Variants in GRM8 observed in about 807,000 individuals in gnomAD.
GRM8 encodes glutamate metabotropic receptor 8, also known as metabotropic glutamate receptor 8.
Under a neutral mutation model 87.2 loss-of-function variants are expected in GRM8, and 47 were observed. The observed-to-expected ratio is 0.54, with a 90% CI of 0.43 to 0.69. The LOEUF is 0.69. Ranked by LOEUF, GRM8 falls within the 30% of genes least tolerant of loss-of-function variation. The pLI is 0.00. For synonymous variants in GRM8, 396 were observed against 404.5 expected, an observed-to-expected ratio of 0.98 and a Z score of 0.25; for missense variants, 1,019 against 1,139.2, an observed-to-expected ratio of 0.89 and a Z score of 1.52.
At chr7:126,638,085 C>G (rs751457074) in intron 7 of GRM8, among the ~76,000 whole-genome samples, 3 of 152,038 alleles carry the variant, frequency 2.0e-5, no homozygotes, top group Non-Finnish European at 2.9e-5. Flanking sequence ...ATATACCACA[C>G]TTTTCTGTAA....
intron 6 of GRM8, among the ~76,000 whole-genome samples, chr7:126,798,387 A>G (rs1822228178): frequency 6.6e-6 from 1 of 152,166 alleles, no homozygotes; most frequent in African/African-American, 2.4e-5. Flanking sequence ...AGGTAAAAAT[A>G]CAAATATTTT....
intron 7 of GRM8, among the ~76,000 whole-genome samples, chr7:126,723,566 A>T (rs1043968955): frequency 6.6e-6 from 1 of 152,184 alleles, no homozygotes; most frequent in African/African-American, 2.4e-5. Flanking sequence ...AAAAAAAAAA[A>T]AAGTTTCACT....
intron 3 of GRM8, among the ~76,000 whole-genome samples, chr7:127,100,578 TG>T (rs1330302945): frequency 5.3e-5 from 8 of 152,234 alleles, no homozygotes; most frequent in African/African-American, 1.7e-4. Flanking sequence ...TCCACATGGC[TG>T]GGGGTGGCCT....
rs1031841279 is a variant in GRM8 at position 126,609,309 on chromosome 7, G to C, written c.1494+53C>G. Reference sequence around the variant, plus strand: ...CAAAAGTTATACACTTAAAAATAAAGCATCCCTCCTGGAGAGCTATATACA... The same window carrying C: ...CAAAAGTTATACACTTAAAAATAAACCATCCCTCCTGGAGAGCTATATACA... On this transcript the variant is annotated intron_variant, in intron 8 of 10. Transcript: ENST00000339582. 12 of 1,375,878 alleles carry C rather than the reference G, an allele frequency of 8.7e-6. No individual in the cohort carries two copies. The African/African-American group carries it at 1.6e-4, about 18-fold the overall frequency. 85.2% of individuals were successfully genotyped at this position (1,375,878 alleles called of 1,614,324 possible).
chr7:127,000,858 AT>A (rs966501550), intron 3 of GRM8, among the ~76,000 whole-genome samples: 8 of 151,500 alleles, frequency 5.3e-5, no homozygotes, highest in South Asian at 2.1e-4. Flanking sequence ...CAAATTTTAT[AT>A]TTTTTTTACT....
intron 2 of GRM8, among the ~76,000 whole-genome samples, chr7:127,164,012 C>T (rs572279479): frequency 1.3e-5 from 2 of 152,202 alleles, no homozygotes; most frequent in Admixed American, 1.3e-4. Flanking sequence ...GAAGTGAGGC[C>T]TGGCAGGAGG....
intron 3 of GRM8, among the ~76,000 whole-genome samples, chr7:127,019,577 AC>A (rs1416393856): frequency 3.3e-5 from 5 of 152,090 alleles, no homozygotes; most frequent in African/African-American, 1.2e-4. Context: ...TTGTCATGAC[AC>A]TGCCATTTTG....
chr7:126,488,716 T>A (rs1001877661), intron 9 of GRM8, among the ~76,000 whole-genome samples: 1 of 152,056 alleles, frequency 6.6e-6, no homozygotes, highest in African/African-American at 2.4e-5. Context: ...GATTTTTCTT[T>A]GGGAATTAGA....
chr7:126,918,477 G>T (rs1014445235), intron 3 of GRM8, among the ~76,000 whole-genome samples: 1 of 151,774 alleles, frequency 6.6e-6, no homozygotes, highest in African/African-American at 2.4e-5. Flanking sequence ...AAGGAATACA[G>T]AAAAAAAATT....
chr7:126,688,109 C>A (rs1476060631), intron 7 of GRM8, among the ~76,000 whole-genome samples: 1 of 151,996 alleles, frequency 6.6e-6, no homozygotes, highest in Non-Finnish European at 1.5e-5. Context: ...GTCTGAATGC[C>A]CATAAAATTC....
At chr7:126,949,938 G>T (rs376188956) in intron 3 of GRM8, among the ~76,000 whole-genome samples, 1 of 152,162 alleles carries the variant, frequency 6.6e-6, no homozygotes, top group Non-Finnish European at 1.5e-5. Context: ...GAGGAAGCCT[G>T]TAGGCTTCTG....
chr7:126,742,852 C>G (rs1407107060), intron 7 of GRM8, among the ~76,000 whole-genome samples: 1 of 152,018 alleles, frequency 6.6e-6, no homozygotes, highest in Non-Finnish European at 1.5e-5. Flanking sequence ...CTAGTTAATT[C>G]TGATGTATTT....
At chr7:126,830,983 G>C (rs1032934361) in intron 6 of GRM8, among the ~76,000 whole-genome samples, 4 of 152,204 alleles carry the variant, frequency 2.6e-5, no homozygotes, top group South Asian at 2.1e-4. Flanking sequence ...GACCCTGTTT[G>C]CCTGGGTATC....
intron 7 of GRM8, among the ~76,000 whole-genome samples, chr7:126,730,674 G>A (rs990299142): frequency 2.0e-5 from 3 of 152,070 alleles, no homozygotes; most frequent in African/African-American, 7.2e-5. Context: ...AGAAGGGAAC[G>A]TGAAAGATAT....
chr7:126,932,158 G>A (rs2131450711), intron 3 of GRM8, among the ~76,000 whole-genome samples: 1 of 152,172 alleles, frequency 6.6e-6, no homozygotes, highest in East Asian at 1.9e-4. Flanking sequence ...GTTTTATGTT[G>A]GTTGGTAGGT....
chr7:127,230,527 G>C lies in GRM8; in HGVS notation c.510+12168C>G, dbSNP rs78700813. Among the ~76,000 whole-genome samples, 1,467 of 152,170 alleles carry C rather than the reference G, an allele frequency of 9.6e-3. 20 individuals carry two copies. The highest frequency in any genetic ancestry group is 0.034 in the African/African-American group (1,412 of 41,492). On this transcript the variant is annotated intron_variant, in intron 2 of 10. Coordinates refer to ENST00000339582, the MANE Select transcript of GRM8 (RefSeq NM_000845.3). ...GCCCAATCCCATATTACTGCATGAA[G>C]CCTTGTGCTATAGAATGAATGTGTA...
chr7:126,593,475 G>A (rs1796881975), intron 8 of GRM8, among the ~76,000 whole-genome samples: 1 of 151,864 alleles, frequency 6.6e-6, no homozygotes, highest in Non-Finnish European at 1.5e-5. Context: ...ATTCAACAAA[G>A]GTACCAAGAA....
chr7:126,793,895 ATGTC>A (rs1821647845), intron 6 of GRM8, among the ~76,000 whole-genome samples: 1 of 152,210 alleles, frequency 6.6e-6, no homozygotes, highest in Non-Finnish European at 1.5e-5. Context: ...GCATATGGAA[ATGTC>A]TACTAATATA....
At chr7:127,251,889 G>GTGCT (rs1798897470) in intron 1 of GRM8, among the ~76,000 whole-genome samples, 1 of 152,200 alleles carries the variant, frequency 6.6e-6, no homozygotes, top group Non-Finnish European at 1.5e-5. Context: ...GAGGGGCACG[G>GTGCT]AAATCCCAAG....
Sources: gnomAD v4.1 joint callset for allele counts (sites outside exome capture counted in the v4.1 genomes callset) on GRCh38, gnomAD v4.1.1 for gene constraint, MANE v1.5 for transcripts, NCBI Gene and HGNC (gene_info 2026-07-23, HGNC 2026-07-21) for gene names.